The following KCNQ1 variants were observed in gnomAD, a reference collection of about 807,000 sequenced individuals.
KCNQ1 encodes potassium voltage-gated channel subfamily KQT member 1.
A neutral mutation model predicts 72.4 loss-of-function variants in KCNQ1; 49 were observed. The ratio of observed to expected loss-of-function variants is 0.68; its 90% CI spans 0.54 to 0.86. The LOEUF (loss-of-function observed/expected upper bound fraction) is 0.86, where lower values mean the gene tolerates loss of function less well. Ranked by LOEUF, KCNQ1 falls within the 40% of genes least tolerant of loss-of-function variation. KCNQ1 has a pLI of 0.00. For missense variants in KCNQ1, 790 were observed against 945.1 expected (o/e 0.84, Z 2.15); for synonymous variants, 450 against 412.6 (o/e 1.09, Z -1.10).
chr11:2,783,010 T>C lies in KCNQ1; in HGVS notation c.1794+4973T>C, dbSNP rs558785115. ...AAATTAAGAAGAGGATAATTCTTAA[T>C]TTTCAGGCTTCCTAAATTTCCTTTT... On this transcript the variant is annotated intron_variant, in intron 15 of 15. Coordinates refer to ENST00000155840, the MANE Select transcript of KCNQ1 (RefSeq NM_000218.3). The surrounding 1 kb of genome is among the most constrained non-coding windows in gnomAD (Gnocchi z 5.2). Among the ~76,000 whole-genome samples the C allele has an allele frequency of 1.5e-3, 231 of 152,314 alleles. No individual in the cohort carries two copies. Among genetic ancestry groups the C allele is most frequent in the African/African-American group, 5.2e-3 (215 of 41,586 alleles).
At chr11:2,719,282 C>T (rs1449572257) in intron 11 of KCNQ1, among the ~76,000 whole-genome samples, 1 of 146,280 alleles carries the variant, frequency 6.8e-6, no homozygotes, top group African/African-American at 2.6e-5. Flanking sequence ...CTTTGGGAGG[C>T]CAGGCGTTAG....
chr11:2,517,304 G>A (rs1847303779), intron 1 of KCNQ1, among the ~76,000 whole-genome samples: 1 of 152,192 alleles, frequency 6.6e-6, no homozygotes, highest in Non-Finnish European at 1.5e-5. Flanking sequence ...CGATGGGGAT[G>A]GGGTGAGATG....
chr11:2,693,435 T>C, intron 11 of KCNQ1: 1 of 398,690 alleles, frequency 2.5e-6, no homozygotes, highest in Non-Finnish European at 4.4e-6. Flanking sequence ...TGCCAGGCGC[T>C]GGCCCCCCAT....
chr11:2,469,905 C>T (rs376911891), intron 1 of KCNQ1, among the ~76,000 whole-genome samples: 80 of 152,124 alleles, frequency 5.3e-4, no homozygotes, highest in African/African-American at 1.8e-3. Flanking sequence ...CGTGATCCGC[C>T]CGCCTCAGCC....
intron 11 of KCNQ1, among the ~76,000 whole-genome samples, chr11:2,756,930 C>G (rs531076404): frequency 1.2e-4 from 15 of 125,430 alleles, no homozygotes; most frequent in Non-Finnish European, 2.2e-4. Context: ...TGGAACTTTC[C>G]CAACTTGATC....
rs1243848829 is a variant in KCNQ1, at chr11:2,494,551, C to T, written c.387-33377C>T. ...TTCCTAGTTTATTGAGAGTTTTTGG[C>T]ATGAAGGGATGTTGAATTTTGTCAA... On this transcript the variant is annotated intron_variant, in intron 1 of 15. Coordinates refer to ENST00000155840, the MANE Select transcript of KCNQ1 (RefSeq NM_000218.3). The surrounding 1 kb of genome is among the most constrained non-coding windows in gnomAD (Gnocchi z 4.6). 6.6e-6 allele frequency among the ~76,000 whole-genome samples: 1 copy of T among 152,120 alleles called. No homozygotes were observed.
rs1025565106 is a variant in KCNQ1, at chr11:2,808,076, C to T, written c.1794+30039C>T. Among the ~76,000 whole-genome samples the T allele has an allele frequency of 1.3e-5, 2 of 152,194 alleles. No individual in the cohort carries two copies. Among genetic ancestry groups the T allele is most frequent in the South Asian group, 2.1e-4 (1 of 4,832 alleles). On this transcript the variant is annotated intron_variant, in intron 15 of 15. Transcript: ENST00000155840. The surrounding 1 kb of genome is among the most constrained non-coding windows in gnomAD (Gnocchi z 6.0). ...GTGCCCGGCACGTGGCAAGTGAAGG[C>T]GGCTGCTTCCCGCCCCTCTCATGGA...
At chr11:2,527,882 G>T (rs760842690) in intron 1 of KCNQ1, 46 bp from the exon 2 acceptor site, 1 of 1,557,484 alleles carries the variant, frequency 6.4e-7, no homozygotes, top group Non-Finnish European at 8.9e-7. Flanking sequence ...GCATCTGTGG[G>T]ATGGGCAGAG....
chr11:2,665,524 C>A, intron 11 of KCNQ1: 1 of 393,762 alleles, frequency 2.5e-6, no homozygotes, highest in Non-Finnish European at 4.4e-6. Context: ...AACCTGCCAT[C>A]TAGAATGCCC....
chr11:2,705,277 C>G (rs907092570), intron 11 of KCNQ1, among the ~76,000 whole-genome samples: 1 of 152,312 alleles, frequency 6.6e-6, no homozygotes, highest in East Asian at 1.9e-4. Context: ...GGAGTTCAGG[C>G]GGTCTCCATG....
intron 10 of KCNQ1, chr11:2,631,435 T>C (rs1274312795): frequency 1.3e-5 from 5 of 398,470 alleles, no homozygotes; most frequent in Non-Finnish European, 2.2e-5. Flanking sequence ...TGTTTTTTTT[T>C]TAGGATTTCT....
At chr11:2,743,606 C>T (rs1027460475) in intron 11 of KCNQ1, among the ~76,000 whole-genome samples, 6 of 152,180 alleles carry the variant, frequency 3.9e-5, no homozygotes, top group Non-Finnish European at 5.9e-5. Context: ...TGGGGACTTG[C>T]GTCTCCCCGG....
rs951063810 is a variant in KCNQ1, at chr11:2,494,344, C to T, written c.387-33584C>T. The stretch of plus-strand genomic sequence containing the variant: ...CCTATTTGAATACTCTTTATTTTTT[C>T]GCTTGCCTTATTGTCCTGGCCAGAA... On this transcript the variant is annotated intron_variant, in intron 1 of 15. Coordinates refer to ENST00000155840, the MANE Select transcript of KCNQ1 (RefSeq NM_000218.3). The surrounding 1 kb of genome is among the most constrained non-coding windows in gnomAD (Gnocchi z 4.6). Among the ~76,000 whole-genome samples the T allele has an allele frequency of 3.9e-5, 6 of 151,940 alleles. No homozygotes were observed. The highest frequency in any genetic ancestry group is 4.2e-4 in the South Asian group (2 of 4,812).
chr11:2,510,947 A>G (rs932546089), intron 1 of KCNQ1, among the ~76,000 whole-genome samples: 2 of 151,506 alleles, frequency 1.3e-5, no homozygotes, highest in Non-Finnish European at 2.9e-5. Flanking sequence ...CTAGCTCTCT[A>G]CCCGATTCAG....
chr11:2,608,683 T>C lies in KCNQ1; in HGVS notation c.1393+19829T>C, dbSNP rs543313983. 7.6e-6 allele frequency: 3 copies of C among 397,078 alleles called. No homozygotes were observed. Among genetic ancestry groups the C allele is most frequent in the African/African-American group, 2.1e-5 (1 of 47,280 alleles). The allele number at this position is 397,078 out of a possible 1,614,324, so 24.6% of individuals were successfully genotyped here. ...CTTGCTTTGTTGTGCATGCTATTCT[T>C]GAACTCCTGGCCACAAGCAATTCTC... is the stretch of plus-strand genomic sequence containing the variant. On this transcript the variant is annotated intron_variant, in intron 10 of 15. Coordinates refer to ENST00000155840, the MANE Select transcript of KCNQ1 (RefSeq NM_000218.3). The surrounding 1 kb of genome is among the most constrained non-coding windows in gnomAD (Gnocchi z 4.6).
At chr11:2,755,305 C>T (rs1846282195) in intron 11 of KCNQ1, among the ~76,000 whole-genome samples, 1 of 152,122 alleles carries the variant, frequency 6.6e-6, no homozygotes, top group South Asian at 2.1e-4. Context: ...GGTTGGAGTG[C>T]ACTGGCGCAA....
At chr11:2,811,594 G>A (rs1270081617) in intron 15 of KCNQ1, among the ~76,000 whole-genome samples, 3 of 152,252 alleles carry the variant, frequency 2.0e-5, no homozygotes. Flanking sequence ...CAGGGTGGCT[G>A]GCAGCCACCT....
rs140174619 is a variant in KCNQ1 at position 2,806,730 on chromosome 11, G to A, written c.1794+28693G>A. ...GCTCAGCTGTACCAGACCACTGCCCGGGAGTACGTTCGGGCTCAGGTTTCC... is the reference window on the plus strand; with the variant it reads ...GCTCAGCTGTACCAGACCACTGCCCAGGAGTACGTTCGGGCTCAGGTTTCC... On this transcript the variant is annotated intron_variant, in intron 15 of 15. Coordinates refer to ENST00000155840, the MANE Select transcript of KCNQ1 (RefSeq NM_000218.3). Among the ~76,000 whole-genome samples the A allele has an allele frequency of 4.3e-4, 65 of 152,336 alleles. No individual in the cohort carries two copies. In the East Asian group the frequency reaches 0.01, roughly 24 times the overall value.
rs748473102 is a variant in KCNQ1 at position 2,678,075 on chromosome 11, C to T, written c.1514+15994C>T. The T allele has an allele frequency of 1.8e-5, 7 of 398,086 alleles. No individual in the cohort carries two copies. The highest frequency in any genetic ancestry group is 2.2e-5 in the Non-Finnish European group (5 of 225,948). 24.7% of individuals were successfully genotyped at this position (398,086 alleles called of 1,614,324 possible). On this transcript the variant is annotated intron_variant, in intron 11 of 15. Transcript: ENST00000155840. This position sits in a 1 kb window ranked among gnomAD's most constrained non-coding sequence, Gnocchi z 4.9. ...ATACCCTTTGGACTTTGTAAAATAC[C>T]TTGTCTTACTGATTTGTAGAAACTT...
Sources: gnomAD v4.1 joint callset for allele counts (sites outside exome capture counted in the v4.1 genomes callset) on GRCh38, gnomAD v4.1.1 for gene constraint, Gnocchi (gnomAD v3.1) non-coding constraint, MANE v1.5 for transcripts, NCBI Gene and HGNC (gene_info 2026-07-23, HGNC 2026-07-21) for gene names.